Variants in LDLRAD4 observed in about 807,000 individuals in gnomAD.
LDLRAD4 encodes the protein low density lipoprotein receptor class A domain containing 4.
Under a neutral mutation model 17.0 loss-of-function variants are expected in LDLRAD4, and 5 were observed. The observed-to-expected ratio is 0.29, with a 90% confidence interval of 0.15 to 0.62. The LOEUF is 0.62. LDLRAD4 is among the 20% of genes least tolerant of loss of function. The pLI is 0.84. For synonymous variants in LDLRAD4, 168 were observed against 171.8 expected, an observed-to-expected ratio of 0.98 and a Z score of 0.17; for missense variants, 340 against 424.7, an observed-to-expected ratio of 0.80 and a Z score of 1.75.
At chr18:13,221,851 A>G (rs1377203064) in intron 1 of LDLRAD4, among the ~76,000 whole-genome samples, 5 of 152,238 alleles carry the variant, frequency 3.3e-5, no homozygotes, top group Non-Finnish European at 7.3e-5. Flanking sequence ...ATTACAAAGA[A>G]CATAGATATA....
At chr18:13,524,628 A>G (rs1377545269) in intron 3 of LDLRAD4, among the ~76,000 whole-genome samples, 1 of 152,236 alleles carries the variant, frequency 6.6e-6, no homozygotes, top group Non-Finnish European at 1.5e-5. Flanking sequence ...ACCATTTATT[A>G]TGAATAGCTC....
At chr18:13,502,206 C>T (rs1600889001) in intron 3 of LDLRAD4, among the ~76,000 whole-genome samples, 1 of 152,340 alleles carries the variant, frequency 6.6e-6, no homozygotes. Flanking sequence ...GTTACGTGTC[C>T]TGTCAGTTTT....
intron 3 of LDLRAD4, among the ~76,000 whole-genome samples, chr18:13,609,411 C>T (rs1442898731): frequency 6.6e-6 from 1 of 152,180 alleles, no homozygotes; most frequent in Non-Finnish European, 1.5e-5. Context: ...TCCGCCCAGA[C>T]AGCCCCTCAG....
chr18:13,308,466 T>C (rs2047041071), intron 1 of LDLRAD4, among the ~76,000 whole-genome samples: 1 of 152,264 alleles, frequency 6.6e-6, no homozygotes, highest in Admixed American at 6.5e-5. Flanking sequence ...TGTGCATTTG[T>C]GGCTTTGGTT....
At chr18:13,339,436 T>C (rs188801519) in intron 1 of LDLRAD4, among the ~76,000 whole-genome samples, 1 of 152,032 alleles carries the variant, frequency 6.6e-6, no homozygotes, top group Non-Finnish European at 1.5e-5. Flanking sequence ...CTCTTGACCT[T>C]GTGATCTGCC....
intron 3 of LDLRAD4, among the ~76,000 whole-genome samples, chr18:13,539,126 CT>C (rs2094239920): frequency 6.6e-6 from 1 of 152,114 alleles, no homozygotes; most frequent in South Asian, 2.1e-4. Context: ...AGAGTGATTG[CT>C]TTTATAGGCT....
intron 1 of LDLRAD4, among the ~76,000 whole-genome samples, chr18:13,271,987 CCAAGTT>C (rs2044581503): frequency 6.6e-6 from 1 of 151,392 alleles, no homozygotes. Flanking sequence ...CCTCCGCCTC[CCAAGTT>C]CAAGTGATTC....
chr18:13,564,452 T>C (rs370244976), intron 3 of LDLRAD4, among the ~76,000 whole-genome samples: 1 of 151,988 alleles, frequency 6.6e-6, no homozygotes, highest in African/African-American at 2.4e-5. Flanking sequence ...GGGTGGGGCT[T>C]GCTTGTCTTT....
chr18:13,470,506 G>A (rs1472027366), intron 3 of LDLRAD4, among the ~76,000 whole-genome samples: 1 of 149,328 alleles, frequency 6.7e-6, no homozygotes, highest in Non-Finnish European at 1.5e-5. Context: ...AATAGCCAAT[G>A]TCCTGGAGCC....
rs551258753 is a variant in LDLRAD4, at chr18:13,622,241, C to T, written c.336+970C>T. Among the ~76,000 whole-genome samples, 1 of 152,250 alleles carries T rather than the reference C, an allele frequency of 6.6e-6. No individual in the cohort carries two copies. Among genetic ancestry groups the T allele is most frequent in the South Asian group, 2.1e-4 (1 of 4,820 alleles). On this transcript the variant is annotated intron_variant, in intron 4 of 5. Coordinates refer to ENST00000359446, the Ensembl canonical transcript of LDLRAD4. This position sits in a 1 kb window ranked among gnomAD's most constrained non-coding sequence, Gnocchi z 5.3. ...GGTGGCCGCTGGCCCTGGGACCCCT[C>T]TCAGGAGTGCAGGCTCACACTTCAC... is the stretch of plus-strand genomic sequence containing the variant.
At chr18:13,365,593 G>T (rs7227361) in intron 1 of LDLRAD4, among the ~76,000 whole-genome samples, 55,854 of 152,016 alleles carry the variant, frequency 0.37, 11,105 homozygotes, top group African/African-American at 0.53. Context: ...TTCTCACACA[G>T]CATCTTGCTG....
intron 1 of LDLRAD4, among the ~76,000 whole-genome samples, chr18:13,384,361 C>A (rs2085627108): frequency 6.6e-6 from 1 of 152,166 alleles, no homozygotes; most frequent in Non-Finnish European, 1.5e-5. Context: ...TAGAAATATT[C>A]AATTCAAATG....
rs1599577870 is a variant in LDLRAD4, at chr18:13,347,503, A to C, written c.-382-39838A>C. 5.3e-5 allele frequency among the ~76,000 whole-genome samples: 8 copies of C among 152,034 alleles called. No individual in the cohort carries two copies. In the South Asian group the frequency reaches 1.7e-3, roughly 32 times the overall value. On this transcript the variant is annotated intron_variant, in intron 1 of 5. Coordinates refer to ENST00000359446, the Ensembl canonical transcript of LDLRAD4. The stretch of plus-strand genomic sequence containing the variant: ...AACCTTTCTCTCTGACTGCCCTTAA[A>C]ATTTTTTCCTTCATTTCAACTTTGG...
At chr18:13,301,492 T>C (rs1031801200) in intron 1 of LDLRAD4, among the ~76,000 whole-genome samples, 7 of 152,016 alleles carry the variant, frequency 4.6e-5, no homozygotes, top group African/African-American at 1.7e-4. Flanking sequence ...TAAAATTAAG[T>C]CCTGTGGGTC....
chr18:13,622,649 G>A lies in LDLRAD4; in HGVS notation c.336+1378G>A, dbSNP rs926054334. 6.6e-6 allele frequency among the ~76,000 whole-genome samples: 1 copy of A among 152,204 alleles called. No homozygotes were observed. The highest frequency in any genetic ancestry group is 2.4e-5 in the African/African-American group (1 of 41,448). ...GCACTGAACACTTTGGCATCCTGATGCCTGTAGATTGTTGGACAGAGGGAG... is the reference window on the plus strand; with the variant it reads ...GCACTGAACACTTTGGCATCCTGATACCTGTAGATTGTTGGACAGAGGGAG... On this transcript the variant is annotated intron_variant, in intron 4 of 5. Transcript: ENST00000359446. The surrounding 1 kb of genome is among the most constrained non-coding windows in gnomAD (Gnocchi z 5.3).
At chr18:13,287,598 C>T (rs558724285) in intron 1 of LDLRAD4, among the ~76,000 whole-genome samples, 1 of 152,190 alleles carries the variant, frequency 6.6e-6, no homozygotes, top group Non-Finnish European at 1.5e-5. Context: ...GCTTCTGTAA[C>T]CTTCTCCACT....
chr18:13,394,602 A>G (rs1392562345), intron 2 of LDLRAD4, among the ~76,000 whole-genome samples: 1 of 152,162 alleles, frequency 6.6e-6, no homozygotes. Flanking sequence ...AGCTCTTTTT[A>G]TTTATGCTCA....
At chr18:13,628,172 C>T (rs780250493) in intron 4 of LDLRAD4, among the ~76,000 whole-genome samples, 9 of 152,132 alleles carry the variant, frequency 5.9e-5, no homozygotes, top group Non-Finnish European at 8.8e-5. Flanking sequence ...CCACCTCATA[C>T]GTTTAGAAAA....
intron 3 of LDLRAD4, among the ~76,000 whole-genome samples, chr18:13,494,716 A>G (rs1427748041): frequency 2.7e-5 from 1 of 36,424 alleles, no homozygotes; most frequent in African/African-American, 9.2e-5. Context: ...GTGTATATAT[A>G]CACATACACA....
Sources: gnomAD v4.1 joint callset for allele counts (sites outside exome capture counted in the v4.1 genomes callset) on GRCh38, gnomAD v4.1.1 for gene constraint, Gnocchi (gnomAD v3.1) non-coding constraint, MANE v1.5 for transcripts, NCBI Gene and HGNC (gene_info 2026-07-23, HGNC 2026-07-21) for gene names.